The following EPHB1 variants were observed in gnomAD, a reference collection of about 807,000 sequenced individuals.
EPHB1 encodes the protein EPH receptor B1, also known as ephrin type-B receptor 1.
EPHB1 carries 30 observed loss-of-function variants against 94.4 expected under a neutral mutation model. That is an observed-to-expected ratio of 0.32 (90% CI 0.24 to 0.43). The LOEUF is 0.43. EPHB1 is among the 20% of genes least tolerant of loss of function. The pLI is 1.00. For missense variants in EPHB1, 1,055 were observed against 1,308.3 expected, an observed-to-expected ratio of 0.81 and a Z score of 2.99; for synonymous variants, 522 against 489.1, an observed-to-expected ratio of 1.07 and a Z score of -0.89.
At chr3:135,042,055 A>C (rs1936863957) in intron 3 of EPHB1, among the ~76,000 whole-genome samples, 1 of 152,194 alleles carries the variant, frequency 6.6e-6, no homozygotes, top group African/African-American at 2.4e-5. Context: ...CAGCCACCTG[A>C]GTAGCTGAGA....
chr3:134,953,448 A>G (rs1933117531), intron 3 of EPHB1, among the ~76,000 whole-genome samples: 1 of 152,238 alleles, frequency 6.6e-6, no homozygotes, highest in Non-Finnish European at 1.5e-5. Context: ...TGATGCATCA[A>G]CGTCAACAGT....
intron 3 of EPHB1, among the ~76,000 whole-genome samples, chr3:135,027,616 C>T (rs1245817699): frequency 6.6e-6 from 1 of 151,344 alleles, no homozygotes; most frequent in Non-Finnish European, 1.5e-5. Context: ...ATTCGTTTTG[C>T]CAGTATTTTA....
intron 3 of EPHB1, among the ~76,000 whole-genome samples, chr3:135,000,975 TC>T (rs1935152900): frequency 6.6e-6 from 1 of 152,284 alleles, no homozygotes; most frequent in Admixed American, 6.5e-5. Flanking sequence ...CTGACTCCCC[TC>T]CTCATCTCAT....
chr3:134,886,268 C>T (rs1241719315), intron 1 of EPHB1, among the ~76,000 whole-genome samples: 1 of 152,134 alleles, frequency 6.6e-6, no homozygotes, highest in Non-Finnish European at 1.5e-5. Context: ...ATCATCTGCC[C>T]CAAGGGGATT....
At chr3:135,256,508 G>T (rs1480271302) in intron 15 of EPHB1, among the ~76,000 whole-genome samples, 1 of 152,118 alleles carries the variant, frequency 6.6e-6, no homozygotes, top group Non-Finnish European at 1.5e-5. Context: ...GAAATTCTGG[G>T]TTGAAAATTC....
intron 1 of EPHB1, among the ~76,000 whole-genome samples, chr3:134,816,652 T>C (rs2108288243): frequency 6.6e-6 from 1 of 152,120 alleles, no homozygotes; most frequent in East Asian, 1.9e-4. Flanking sequence ...GGCACCCTCC[T>C]CTGGGAAAAT....
At chr3:135,230,205 G>T (rs1479159436) in intron 12 of EPHB1, among the ~76,000 whole-genome samples, 1 of 152,176 alleles carries the variant, frequency 6.6e-6, no homozygotes, top group Non-Finnish European at 1.5e-5. Flanking sequence ...GCCTCCTCCT[G>T]AACCCTTCTT....
chr3:135,178,224 A>AGT (rs1553744895), intron 9 of EPHB1, among the ~76,000 whole-genome samples: 49 of 139,514 alleles, frequency 3.5e-4, no homozygotes, highest in Non-Finnish European at 6.2e-4. Context: ...GAGGCCGGGG[A>AGT]GGGGGGGTGG....
At chr3:134,902,884 C>CT (rs2038231299) in intron 1 of EPHB1, among the ~76,000 whole-genome samples, 1 of 152,200 alleles carries the variant, frequency 6.6e-6, no homozygotes, top group Non-Finnish European at 1.5e-5. Flanking sequence ...TTGAAAGCCA[C>CT]TTATTCCATC....
intron 3 of EPHB1, among the ~76,000 whole-genome samples, chr3:134,982,179 C>T (rs1934426413): frequency 6.6e-6 from 1 of 152,152 alleles, no homozygotes; most frequent in South Asian, 2.1e-4. Flanking sequence ...ATTTTTTTCT[C>T]TAAATCGTAG....
chr3:134,817,599 C>A (rs1408022026), intron 1 of EPHB1, among the ~76,000 whole-genome samples: 1 of 152,232 alleles, frequency 6.6e-6, no homozygotes, highest in Non-Finnish European at 1.5e-5. Flanking sequence ...CTTGGAAAGC[C>A]ACCTAATCTC....
intron 3 of EPHB1, among the ~76,000 whole-genome samples, chr3:135,031,764 A>C (rs1222942184): frequency 6.6e-6 from 1 of 152,140 alleles, no homozygotes; most frequent in Non-Finnish European, 1.5e-5. Context: ...CTCCTTCCTC[A>C]AGTCCTCTCT....
At chr3:135,008,475 C>T (rs1483813270) in intron 3 of EPHB1, among the ~76,000 whole-genome samples, 3 of 152,126 alleles carry the variant, frequency 2.0e-5, no homozygotes, top group Non-Finnish European at 1.5e-5. Flanking sequence ...AAAAGCTCAG[C>T]CTCCATGATA....
At chr3:134,824,125 CTT>C (rs373504139) in intron 1 of EPHB1, among the ~76,000 whole-genome samples, 2,189 of 100,602 alleles carry the variant, frequency 0.022, 12 homozygotes, top group Non-Finnish European at 0.031. Context: ...GGATAATGCC[CTT>C]TTTTTTTTTT....
intron 12 of EPHB1, among the ~76,000 whole-genome samples, chr3:135,236,854 G>A (rs1056055704): frequency 6.6e-6 from 1 of 152,166 alleles, no homozygotes; most frequent in African/African-American, 2.4e-5. Flanking sequence ...GCTACCCTCT[G>A]GGCTTCTCAA....
At chr3:134,905,357 G>A (rs1280111498) in intron 1 of EPHB1, among the ~76,000 whole-genome samples, 1 of 152,138 alleles carries the variant, frequency 6.6e-6, no homozygotes, top group Non-Finnish European at 1.5e-5. Flanking sequence ...TGGAGTGTGC[G>A]CACTGCAGCC....
intron 1 of EPHB1, among the ~76,000 whole-genome samples, chr3:134,910,514 T>C (rs1464931148): frequency 6.6e-6 from 1 of 152,200 alleles, no homozygotes; most frequent in Non-Finnish European, 1.5e-5. Flanking sequence ...CAGGAGCCAG[T>C]CAATGCTATT....
At chr3:134,920,941 G>T (rs1054068527) in intron 1 of EPHB1, among the ~76,000 whole-genome samples, 1 of 151,988 alleles carries the variant, frequency 6.6e-6, no homozygotes, top group African/African-American at 2.4e-5. Flanking sequence ...TTGAGACGGG[G>T]TCTTGTTATG....
At chr3:134,797,662 C>A (rs1312938379) in intron 1 of EPHB1, among the ~76,000 whole-genome samples, 2 of 152,166 alleles carry the variant, frequency 1.3e-5, no homozygotes, top group South Asian at 4.1e-4. Context: ...GCCAGAGGTC[C>A]CTGTCTGCTT....
Sources: allele counts gnomAD v4.1 joint callset (sites outside exome capture counted in the v4.1 genomes callset), GRCh38; gene constraint gnomAD v4.1.1; transcripts MANE v1.5; gene names NCBI Gene and HGNC (gene_info 2026-07-23, HGNC 2026-07-21).